Variants in ITGA8 observed in about 807,000 individuals in gnomAD.
ITGA8 encodes the protein integrin subunit alpha 8.
ITGA8 carries 91 observed loss-of-function variants against 142.3 expected under a neutral mutation model. The ratio of observed to expected loss-of-function variants is 0.64; its 90% CI spans 0.54 to 0.76. ITGA8 has a LOEUF of 0.76. Among genes scored for constraint, ITGA8 ranks in the 30% least tolerant of loss-of-function variants. The pLI, the probability that ITGA8 is intolerant of heterozygous loss-of-function variation, is 0.00. For synonymous variants in ITGA8, 505 were observed against 485.2 expected (o/e 1.04, Z -0.54); for missense variants, 1,406 against 1,327.7 (o/e 1.06, Z -0.92).
intron 13 of ITGA8, among the ~76,000 whole-genome samples, chr10:15,618,330 G>A (rs549049493): frequency 6.8e-4 from 103 of 152,256 alleles, no homozygotes; most frequent in Non-Finnish European, 1.1e-3. Context: ...AGCACAACGC[G>A]AATGAAAATA....
At chr10:15,639,516 GA>G (rs963682931) in intron 13 of ITGA8, among the ~76,000 whole-genome samples, 8 of 152,168 alleles carry the variant, frequency 5.3e-5, no homozygotes, top group African/African-American at 1.7e-4. Context: ...AGCCTCAGTG[GA>G]AAAGCTCAGC....
chr10:15,653,268 A>T (rs1442692891), intron 11 of ITGA8, among the ~76,000 whole-genome samples: 1 of 152,118 alleles, frequency 6.6e-6, no homozygotes, highest in Non-Finnish European at 1.5e-5. Flanking sequence ...GACCTTCATG[A>T]TCTACCCAGT....
At chr10:15,539,827 A>C (rs893332280) in intron 27 of ITGA8, among the ~76,000 whole-genome samples, 1 of 152,120 alleles carries the variant, frequency 6.6e-6, no homozygotes, top group African/African-American at 2.4e-5. Flanking sequence ...CTGTGTCCCC[A>C]CCCAAATCTC....
At chr10:15,637,518 T>TTG (rs1833793417) in intron 13 of ITGA8, among the ~76,000 whole-genome samples, 1 of 103,134 alleles carries the variant, frequency 9.7e-6, no homozygotes, top group African/African-American at 2.8e-5. Flanking sequence ...TTTTTTTTTT[T>TTG]TTTTGTTTTT....
chr10:15,613,471 A>G, intron 15 of ITGA8, 189 bp downstream of exon 15: 2 of 589,538 alleles, frequency 3.4e-6, no homozygotes, highest in Middle Eastern at 4.3e-4. Flanking sequence ...GGTTCTCTTG[A>G]AAGACTAACT....
At chr10:15,562,058 C>T (rs12415757) in intron 25 of ITGA8, among the ~76,000 whole-genome samples, 59,004 of 151,986 alleles carry the variant, frequency 0.39, 12,009 homozygotes, top group African/African-American at 0.5. Flanking sequence ...AAACCACCCC[C>T]GTGATCCAAT....
chr10:15,718,692 G>A, intron 2 of ITGA8, 74 bp downstream of exon 2: 1 of 1,571,096 alleles, frequency 6.4e-7, no homozygotes, highest in Non-Finnish European at 8.7e-7. Flanking sequence ...CCAAGACAGC[G>A]GGAAGTCGCC....
At chr10:15,585,741 C>G (rs1457382624) in intron 23 of ITGA8, among the ~76,000 whole-genome samples, 1 of 152,184 alleles carries the variant, frequency 6.6e-6, no homozygotes, top group African/African-American at 2.4e-5. Context: ...GATTTTGCAG[C>G]TGGTAGTCAT....
At chr10:15,698,804 A>G (rs1023011944) in intron 2 of ITGA8, among the ~76,000 whole-genome samples, 4 of 152,084 alleles carry the variant, frequency 2.6e-5, no homozygotes, top group African/African-American at 9.7e-5. Context: ...GATTCTGGAT[A>G]TTATTAGTCC....
At chr10:15,605,866 T>C (rs1833186312) in intron 18 of ITGA8, 75 bp from the exon 19 acceptor site, 2 of 1,359,560 alleles carry the variant, frequency 1.5e-6, no homozygotes, top group Non-Finnish European at 2.1e-6. Flanking sequence ...AAATTCTGAA[T>C]GGTGCCACAA....
intron 25 of ITGA8, among the ~76,000 whole-genome samples, chr10:15,566,014 C>T (rs1834072236): frequency 1.3e-5 from 2 of 152,076 alleles, no homozygotes; most frequent in Non-Finnish European, 2.9e-5. Context: ...TAAGGAAAAC[C>T]AGTACACGAA....
At chr10:15,602,791 G>A (rs1318792217) in intron 20 of ITGA8, among the ~76,000 whole-genome samples, 1 of 152,044 alleles carries the variant, frequency 6.6e-6, no homozygotes, top group Non-Finnish European at 1.5e-5. Context: ...CCACTCACTG[G>A]AGAAATTAGG....
intron 20 of ITGA8, among the ~76,000 whole-genome samples, chr10:15,602,486 T>C (rs1273024415): frequency 6.6e-6 from 1 of 151,882 alleles, no homozygotes; most frequent in East Asian, 1.9e-4. Flanking sequence ...GCCTATAATA[T>C]CAGCGCTTTG....
intron 11 of ITGA8, among the ~76,000 whole-genome samples, chr10:15,648,610 G>T (rs1214141174): frequency 6.6e-6 from 1 of 151,858 alleles, no homozygotes; most frequent in Non-Finnish European, 1.5e-5. Context: ...ATATCAAGTG[G>T]CTCATACACA....
intron 2 of ITGA8, among the ~76,000 whole-genome samples, chr10:15,717,844 C>T (rs1313237361): frequency 6.6e-6 from 1 of 152,182 alleles, no homozygotes; most frequent in African/African-American, 2.4e-5. Context: ...TGAAAATATT[C>T]CGCATAAATT....
chr10:15,696,861 CAAAAAAAAAAA>C (rs750418009), intron 2 of ITGA8, among the ~76,000 whole-genome samples: 5 of 52,564 alleles, frequency 9.5e-5, no homozygotes, highest in Non-Finnish European at 1.7e-4. Flanking sequence ...TAACTCTTAC[CAAAAAAAAAAA>C]AAAAAAAAAA....
chr10:15,677,496 T>A, intron 6 of ITGA8, 96 bp downstream of exon 6: 3 of 931,502 alleles, frequency 3.2e-6, no homozygotes, highest in Non-Finnish European at 5.0e-6. Flanking sequence ...GATATAAAAT[T>A]AAGGTAATAG....
intron 9 of ITGA8, 139 bp from the exon 10 acceptor site, chr10:15,659,194 C>T: frequency 1.9e-6 from 1 of 536,390 alleles, no homozygotes; most frequent in South Asian, 3.0e-5. Flanking sequence ...AAATGAAAGC[C>T]CACGGAATGA....
chr10:15,660,980 C>T, intron 8 of ITGA8, 58 bp from the exon 9 acceptor site: 1 of 1,388,482 alleles, frequency 7.2e-7, no homozygotes, highest in Non-Finnish European at 1.0e-6. Context: ...AACACACACA[C>T]ACACGCCATA....
Sources: allele counts gnomAD v4.1 joint callset (sites outside exome capture counted in the v4.1 genomes callset), GRCh38; gene constraint gnomAD v4.1.1; transcripts MANE v1.5; gene names NCBI Gene and HGNC (gene_info 2026-07-23, HGNC 2026-07-21).